GOLIM4: variants seen among roughly 807,000 people sequenced by gnomAD.
GOLIM4 encodes the protein 130 kDa golgi-localized phosphoprotein.
A neutral mutation model predicts 107.4 loss-of-function variants in GOLIM4; 71 were observed. That is an observed-to-expected ratio of 0.66 (90% CI 0.55 to 0.81). GOLIM4 has a LOEUF of 0.81. Among genes scored for constraint, GOLIM4 ranks in the 30% least tolerant of loss-of-function variants. The pLI, the probability that GOLIM4 is intolerant of heterozygous loss-of-function variation, is 0.00. For synonymous variants in GOLIM4, 327 were observed against 294.8 expected, an observed-to-expected ratio of 1.11 and a Z score of -1.12; for missense variants, 830 against 826.1, an observed-to-expected ratio of 1.00 and a Z score of -0.06.
intron 1 of GOLIM4, among the ~76,000 whole-genome samples, chr3:168,084,020 GT>G (rs1336530587): frequency 6.6e-6 from 1 of 152,154 alleles, no homozygotes; most frequent in African/African-American, 2.4e-5. Flanking sequence ...TGCTGATATG[GT>G]TTGGCTCTGA....
At chr3:168,092,287 G>A (rs1313869093) in intron 1 of GOLIM4, among the ~76,000 whole-genome samples, 1 of 152,184 alleles carries the variant, frequency 6.6e-6, no homozygotes, top group Non-Finnish European at 1.5e-5. Context: ...ATAAATAGAT[G>A]ACTGATTGCT....
At chr3:168,022,113 T>G (rs1306625851) in intron 14 of GOLIM4, among the ~76,000 whole-genome samples, 1 of 152,180 alleles carries the variant, frequency 6.6e-6, no homozygotes, top group African/African-American at 2.4e-5. Context: ...TTTCCTAAAA[T>G]CATACTTCTT....
At chr3:168,061,303 T>C (rs972918841) in intron 1 of GOLIM4, among the ~76,000 whole-genome samples, 1 of 152,118 alleles carries the variant, frequency 6.6e-6, no homozygotes, top group Non-Finnish European at 1.5e-5. Flanking sequence ...ACAGCTAATA[T>C]AGAAAAAGAC....
intron 14 of GOLIM4, among the ~76,000 whole-genome samples, chr3:168,012,160 A>C (rs1717080888): frequency 1.6e-5 from 2 of 125,740 alleles, no homozygotes; most frequent in South Asian, 4.4e-4. Flanking sequence ...AGAAGAATGT[A>C]TAACTAGAAT....
chr3:168,029,365 G>A (rs1202934464), intron 10 of GOLIM4, 63 bp from the exon 11 acceptor site: 1 of 1,014,820 alleles, frequency 9.9e-7, no homozygotes, highest in Non-Finnish European at 1.5e-6. Context: ...GTTTGACATA[G>A]GTCATTTATC....
rs1577588819 is a variant in GOLIM4, at chr3:168,095,474, A to G, written c.-189T>C. The G allele has an allele frequency of 1.1e-5, 6 of 542,178 alleles. No individual in the cohort carries two copies. The East Asian group carries it at 1.7e-4, about 15-fold the overall frequency. 33.6% of individuals were successfully genotyped at this position (542,178 alleles called of 1,614,324 possible). A position where few individuals can be genotyped will look rare whatever the true frequency, so the allele number is the denominator to read the frequency against. On this transcript the variant is annotated 5_prime_UTR_variant, in exon 1 of 16. It removes an upstream start codon present in the reference 5' UTR. Transcript: ENST00000470487. ...CCCGCGCGGCGCGGGGCGCGCAGCC[A>G]TCGACGCCGCCCGGGCAGCTGCAGC...
intron 1 of GOLIM4, among the ~76,000 whole-genome samples, chr3:168,077,932 T>C (rs140750305): frequency 4.9e-4 from 75 of 152,284 alleles, no homozygotes; most frequent in African/African-American, 1.5e-3. Flanking sequence ...ATGAACTGAA[T>C]GTAACACACC....
intron 1 of GOLIM4, among the ~76,000 whole-genome samples, chr3:168,074,840 T>C (rs1720993526): frequency 6.6e-6 from 1 of 152,230 alleles, no homozygotes; most frequent in Non-Finnish European, 1.5e-5. Context: ...CTTATCCATG[T>C]GGCCCACATC....
chr3:168,024,441 C>CA, intron 14 of GOLIM4, 85 bp downstream of exon 14: 1 of 1,022,162 alleles, frequency 9.8e-7, no homozygotes, highest in Non-Finnish European at 1.6e-6. Flanking sequence ...GAAGGCATGT[C>CA]AAAGTCAATA....
At chr3:168,083,224 A>G (rs1373379875) in intron 1 of GOLIM4, among the ~76,000 whole-genome samples, 1 of 152,218 alleles carries the variant, frequency 6.6e-6, no homozygotes, top group Non-Finnish European at 1.5e-5. Flanking sequence ...TGAAATTACC[A>G]GTTACAATTA....
intron 12 of GOLIM4, among the ~76,000 whole-genome samples, chr3:168,025,742 AC>A (rs1717960061): frequency 6.6e-6 from 1 of 152,232 alleles, no homozygotes; most frequent in African/African-American, 2.4e-5. Flanking sequence ...GGGCTGAGCT[AC>A]CCAACTGCCC....
At chr3:168,054,134 T>C (rs559576734) in intron 1 of GOLIM4, among the ~76,000 whole-genome samples, 7 of 152,352 alleles carry the variant, frequency 4.6e-5, no homozygotes, top group Admixed American at 1.3e-4. Context: ...TCTCACTCAA[T>C]TCCAGTTTCA....
intron 6 of GOLIM4, 156 bp from the exon 7 acceptor site, chr3:168,041,025 AC>A: frequency 1.7e-6 from 1 of 574,224 alleles, no homozygotes; most frequent in African/African-American, 1.9e-5. Context: ...AGAGAACACT[AC>A]GCTTTATGTA....
Position 168,040,862 on chromosome 3 carries a change from T to C in GOLIM4, c.608A>G (p.His203Arg), listed in dbSNP as rs1383490701. Reference sequence around the variant, plus strand: ...TTCATGCTCGGAGAGTAAATTCTTATGCTGTTGCTACACAAAAAAGAATTT... The same window carrying C: ...TTCATGCTCGGAGAGTAAATTCTTACGCTGTTGCTACACAAAAAAGAATTT... ...HTQLQDVKQQ[H>R]KNLLSEHEQL... is the part of the protein sequence containing the mutation. Residue 203 changes from histidine (H) to arginine (R), a missense_variant, in exon 7 of 16, where the codon CAT becomes CGT. By Grantham distance (29) the His-to-Arg change is conservative. Coordinates refer to ENST00000470487, the MANE Select transcript of GOLIM4 (RefSeq NM_014498.5). 11 of 1,609,140 alleles carry C rather than the reference T, an allele frequency of 6.8e-6. No individual in the cohort carries two copies. The East Asian group carries it at 1.3e-4, about 20-fold the overall frequency.
chr3:168,086,864 T>G (rs1721657061), intron 1 of GOLIM4, among the ~76,000 whole-genome samples: 1 of 152,216 alleles, frequency 6.6e-6, no homozygotes, highest in African/African-American at 2.4e-5. Context: ...AATGCCCATT[T>G]CTTCTCACAG....
chr3:168,014,266 A>G (rs911631824), intron 14 of GOLIM4, among the ~76,000 whole-genome samples: 1 of 151,450 alleles, frequency 6.6e-6, no homozygotes, highest in Non-Finnish European at 1.5e-5. Flanking sequence ...AAACACCTCT[A>G]CACAAATATA....
chr3:168,012,979 A>C (rs1450127789), intron 14 of GOLIM4, among the ~76,000 whole-genome samples: 1 of 149,582 alleles, frequency 6.7e-6, no homozygotes, highest in East Asian at 1.9e-4. Flanking sequence ...AAACTGCATC[A>C]ACTAACGAGC....
chr3:168,089,524 T>C (rs1015341766), intron 1 of GOLIM4, among the ~76,000 whole-genome samples: 4 of 152,318 alleles, frequency 2.6e-5, no homozygotes, highest in South Asian at 2.1e-4. Flanking sequence ...TATGAATAGA[T>C]TGAGTCACAG....
chr3:168,041,289 C>T (rs975562088), intron 6 of GOLIM4, 103 bp downstream of exon 6: 6 of 692,844 alleles, frequency 8.7e-6, no homozygotes, highest in Non-Finnish European at 1.3e-5. Flanking sequence ...ACAATAACAA[C>T]GTGGATTTGT....
Sources: gnomAD v4.1 joint callset for allele counts (sites outside exome capture counted in the v4.1 genomes callset) on GRCh38, gnomAD v4.1.1 for gene constraint, MANE v1.5 for transcripts, NCBI Gene and HGNC (gene_info 2026-07-23, HGNC 2026-07-21) for gene names.